The following EDEM3 variants were observed in gnomAD, a reference collection of about 807,000 sequenced individuals.
EDEM3 encodes ER degradation-enhancing alpha-mannosidase-like protein 3.
Under a neutral mutation model 110.2 loss-of-function variants are expected in EDEM3, and 60 were observed. The observed-to-expected ratio is 0.54, with a 90% CI of 0.44 to 0.67. The LOEUF (loss-of-function observed/expected upper bound fraction) is 0.67. Ranked by LOEUF, EDEM3 falls within the 30% of genes least tolerant of loss-of-function variation. The probability of loss-of-function intolerance (pLI) is 0.00; values close to 1 mark genes in which losing one functional copy is unlikely to be tolerated. For synonymous variants in EDEM3, 352 were observed against 382.9 expected, an observed-to-expected ratio of 0.92 and a Z score of 0.94; for missense variants, 996 against 1,121.0, an observed-to-expected ratio of 0.89 and a Z score of 1.59.
intron 2 of EDEM3, among the ~76,000 whole-genome samples, chr1:184,747,744 C>T (rs1031133163): frequency 6.6e-6 from 1 of 152,144 alleles, no homozygotes; most frequent in African/African-American, 2.4e-5. Context: ...TAGGCACAGG[C>T]CAGAAAGTCC....
intron 2 of EDEM3, among the ~76,000 whole-genome samples, chr1:184,738,337 C>T (rs1383801365): frequency 6.6e-6 from 1 of 152,182 alleles, no homozygotes; most frequent in Non-Finnish European, 1.5e-5. Flanking sequence ...CTAGATCACA[C>T]ATCTAGTAAA....
Position 184,721,378 on chromosome 1 carries a change from C to T in EDEM3, c.862G>A (p.Val288Ile). ...TAATATGAATCAATCCCTGCTCCAA[C>T]TCCACTATCTATGGAAACACAAATG... ...TGDWVRKDSGVGAGIDSYYEY... is the reference protein window; with the variant it reads ...TGDWVRKDSGIGAGIDSYYEY... The change falls in exon 9 of 20, where the codon GTT (valine) becomes ATT (isoleucine). Residue 288 changes from valine to isoleucine, a missense_variant. By Grantham distance (29) the Val-to-Ile change is conservative. This residue lies in a region of EDEM3 where 310 missense variants were observed against 394.6 expected (regional missense o/e 0.79). Transcript: ENST00000318130. 6.3e-7 allele frequency: 1 copy of T among 1,594,568 alleles called. No homozygotes were observed. The highest frequency in any genetic ancestry group is 8.5e-7 in the Non-Finnish European group (1 of 1,174,164).
chr1:184,737,707 T>A lies in EDEM3; in HGVS notation c.209A>T (p.His70Leu). Residue 70 changes from histidine (H) to leucine (L), a missense_variant, in exon 3 of 20, where the codon CAT (histidine) becomes CTT (leucine). By Grantham distance (99) the His-to-Leu change is moderately conservative. Transcript: ENST00000318130. ...CATGAGTTCATCAGCAGGGTAAGCA[T>A]GTTCCTGCAAGGAAAACTTTAGTAA... ...FDHAYGNYME[H>L]AYPADELMPL... 1 of 1,612,624 alleles carries A rather than the reference T, an allele frequency of 6.2e-7. No individual in the cohort carries two copies. Among genetic ancestry groups the A allele is most frequent in the South Asian group, 1.1e-5 (1 of 90,870 alleles).
chr1:184,701,895 C>T lies in EDEM3; in HGVS notation c.2389+916G>A, dbSNP rs144184400. 5.8e-3 allele frequency among the ~76,000 whole-genome samples: 889 copies of T among 152,054 alleles called. 10 individuals carry two copies. Among genetic ancestry groups the T allele is most frequent in the African/African-American group, 0.021 (854 of 41,510 alleles). On this transcript the variant is annotated intron_variant, in intron 19 of 19. Coordinates refer to ENST00000318130, the MANE Select transcript of EDEM3 (RefSeq NM_025191.4). ...ATGATTATGCTAGCATGATTATCACCGAACATTTTTTTTTAAATGTCCCAC... is the reference window on the plus strand; with the variant it reads ...ATGATTATGCTAGCATGATTATCACTGAACATTTTTTTTTAAATGTCCCAC...
intron 16 of EDEM3, 123 bp from the exon 17 acceptor site, chr1:184,708,467 C>T: frequency 1.1e-6 from 1 of 924,218 alleles, no homozygotes; most frequent in South Asian, 1.7e-5. Context: ...TTTAGGTCAC[C>T]ACCAAGTATT....
chr1:184,749,835 C>T (rs1652653993), intron 1 of EDEM3, among the ~76,000 whole-genome samples: 1 of 152,116 alleles, frequency 6.6e-6, no homozygotes, highest in South Asian at 2.1e-4. Flanking sequence ...ATGTACAATT[C>T]ATCTTATAAT....
Position 184,753,218 on chromosome 1 carries a change from T to A in EDEM3, c.158+1271A>T, listed in dbSNP as rs192240055. Among the ~76,000 whole-genome samples, 452 of 151,892 alleles carry A rather than the reference T, an allele frequency of 3.0e-3. 6 individuals carry two copies. The East Asian group carries it at 0.037, about 12-fold the overall frequency. ...GAGCTCAGATTTTTTTTTTCTTTTT[T>A]AAAAAAAACATGGGATGATACTATA... On this transcript the variant is annotated intron_variant, in intron 1 of 19. Coordinates refer to ENST00000318130, the MANE Select transcript of EDEM3 (RefSeq NM_025191.4).
In EDEM3 at chr1:184,717,319, A is replaced by G. The variant is rs553297142; in HGVS notation, c.1245+221T>C. 2.6e-5 allele frequency among the ~76,000 whole-genome samples: 4 copies of G among 152,206 alleles called. No homozygotes were observed. In the East Asian group the frequency reaches 7.7e-4, roughly 29 times the overall value. On this transcript the variant is annotated intron_variant, in intron 12 of 19. Transcript: ENST00000318130. ...GCTCTAGAACATAAAATTTCTCTTTAAAGAAATGTTTACATAATATTTTTT... is the reference window on the plus strand; with the variant it reads ...GCTCTAGAACATAAAATTTCTCTTTGAAGAAATGTTTACATAATATTTTTT...
At chr1:184,726,485 A>T in intron 6 of EDEM3, 96 bp from the exon 7 acceptor site, 1 of 1,310,414 alleles carries the variant, frequency 7.6e-7, no homozygotes, top group African/African-American at 1.5e-5. Flanking sequence ...TAAAATCATG[A>T]AAATAATTCA....
At chr1:184,726,896 T>C (rs1239870763) in intron 6 of EDEM3, among the ~76,000 whole-genome samples, 1 of 152,236 alleles carries the variant, frequency 6.6e-6, no homozygotes, top group Non-Finnish European at 1.5e-5. Flanking sequence ...AAATTTCATT[T>C]ACGGGTTTTA....
At chr1:184,720,446 T>C (rs1650824211) in intron 9 of EDEM3, 1 of 151,944 alleles carries the variant, frequency 6.6e-6, no homozygotes, top group Admixed American at 6.6e-5. Context: ...TATTAGTTAC[T>C]TGCCCAAAGT....
intron 19 of EDEM3, among the ~76,000 whole-genome samples, chr1:184,701,125 T>A (rs1477953359): frequency 6.6e-6 from 1 of 152,046 alleles, no homozygotes; most frequent in South Asian, 2.1e-4. Flanking sequence ...TGTACCATAA[T>A]CCTGTAGTCC....
At chr1:184,723,574 G>T (rs1192610783) in intron 8 of EDEM3, among the ~76,000 whole-genome samples, 177 bp downstream of exon 8, 1 of 151,948 alleles carries the variant, frequency 6.6e-6, no homozygotes, top group African/African-American at 2.4e-5. Context: ...TGTAGAAGAA[G>T]TGTGTCACAT....
chr1:184,732,425 C>A (rs1651582151), intron 6 of EDEM3, among the ~76,000 whole-genome samples: 1 of 151,964 alleles, frequency 6.6e-6, no homozygotes, highest in Non-Finnish European at 1.5e-5. Context: ...CGATTACAGT[C>A]AACAGAAATG....
rs1225929449 is a variant in EDEM3 at position 184,694,190 on chromosome 1, G to A, written c.2672C>T (p.Ser891Leu). 1 of 1,613,304 alleles carries A rather than the reference G, an allele frequency of 6.2e-7. No homozygotes were observed. Among genetic ancestry groups the A allele is most frequent in the Non-Finnish European group, 8.5e-7 (1 of 1,179,638 alleles). Residue 891 changes from serine to leucine, a missense_variant, in exon 20 of 20, where the codon TCA becomes TTA. This residue lies in a region of EDEM3 where 345 missense variants were observed against 402.0 expected (regional missense o/e 0.86). Coordinates refer to ENST00000318130, the MANE Select transcript of EDEM3 (RefSeq NM_025191.4). Reference sequence around the variant, plus strand: ...AGGATTGGAATCTTCCTCAGTTTCTGATTGTTCTTGAAGCTGGTTATCTAA... The same window carrying A: ...AGGATTGGAATCTTCCTCAGTTTCTAATTGTTCTTGAAGCTGGTTATCTAA... ...TDLDNQLQEQ[S>L]ETEEDSNPNV...
chr1:184,749,608 C>G lies in EDEM3; in HGVS notation c.159-16G>C. The G allele has an allele frequency of 7.7e-7, 1 of 1,295,096 alleles. No homozygotes were observed. Among genetic ancestry groups the G allele is most frequent in the South Asian group, 1.6e-5 (1 of 61,856 alleles). 80.2% of individuals were successfully genotyped at this position (1,295,096 alleles called of 1,614,324 possible). A position where few individuals can be genotyped will look rare whatever the true frequency, so the allele number is the denominator to read the frequency against. On this transcript the variant is annotated splice_polypyrimidine_tract_variant and intron_variant, in intron 1 of 19. Coordinates refer to ENST00000318130, the MANE Select transcript of EDEM3 (RefSeq NM_025191.4). ...TACTTGATTCCTAATTTTAAAAGAGCAGAAATGGAAAAAAAAAAAAAAAAA... is the reference window on the plus strand; with the variant it reads ...TACTTGATTCCTAATTTTAAAAGAGGAGAAATGGAAAAAAAAAAAAAAAAA...
chr1:184,726,200 AT>A, intron 7 of EDEM3, 54 bp downstream of exon 7: 1 of 1,577,998 alleles, frequency 6.3e-7, no homozygotes, highest in Non-Finnish European at 8.6e-7. Context: ...AATGAAGAAG[AT>A]ATAAAGGTAG....
chr1:184,711,498 A>C (rs540270384), intron 15 of EDEM3, among the ~76,000 whole-genome samples: 4 of 152,360 alleles, frequency 2.6e-5, no homozygotes, highest in African/African-American at 9.6e-5. Flanking sequence ...ATAAAATAAA[A>C]GATATATTGA....
chr1:184,710,926 A>C (rs1650192537), intron 15 of EDEM3, among the ~76,000 whole-genome samples: 1 of 152,202 alleles, frequency 6.6e-6, no homozygotes, highest in African/African-American at 2.4e-5. Context: ...AATAACACTT[A>C]TGTAAAAATA....
Sources: allele counts gnomAD v4.1 joint callset (sites outside exome capture counted in the v4.1 genomes callset), GRCh38; gene constraint gnomAD v4.1.1; regional missense constraint gnomAD v4.1.1; transcripts MANE v1.5; gene names NCBI Gene and HGNC (gene_info 2026-07-23, HGNC 2026-07-21).